SLC25A26: variants seen among roughly 807,000 people sequenced by gnomAD.
SLC25A26 encodes the protein mitochondrial S-adenosylmethionine carrier protein.
In SLC25A26, 36 loss-of-function variants were observed where a neutral mutation model predicts 37.8. That is an observed-to-expected ratio of 0.95 (90% CI 0.73 to 1.26). The LOEUF (loss-of-function observed/expected upper bound fraction) is 1.26. Among genes scored for constraint, SLC25A26 ranks in the 50% most tolerant of loss-of-function variants. The probability of loss-of-function intolerance (pLI) is 0.00; values close to 1 mark genes in which losing one functional copy is unlikely to be tolerated. For synonymous variants in SLC25A26, 129 were observed against 122.5 expected, an observed-to-expected ratio of 1.05 and a Z score of -0.35; for missense variants, 390 against 331.1, an observed-to-expected ratio of 1.18 and a Z score of -1.38.
chr3:66,272,885 G>A (rs572954444), intron 5 of SLC25A26, among the ~76,000 whole-genome samples: 3 of 152,080 alleles, frequency 2.0e-5, no homozygotes, highest in Non-Finnish European at 4.4e-5. Context: ...TTCAAAGGGA[G>A]TGCTTCCAGT....
At chr3:66,222,955 A>G (rs1404701919) in intron 1 of SLC25A26, among the ~76,000 whole-genome samples, 1 of 152,212 alleles carries the variant, frequency 6.6e-6, no homozygotes, top group Non-Finnish European at 1.5e-5. Flanking sequence ...GGAAGTTTCA[A>G]GAAACTAGAT....
rs1311906814 is a variant in SLC25A26 at position 66,209,896 on chromosome 3, A to ATT, written c.-353-10844_-353-10843dup. Among the ~76,000 whole-genome samples, 19 of 37,704 alleles carry ATT rather than the reference A, an allele frequency of 5.0e-4. 1 individual carries two copies. The highest frequency in any genetic ancestry group is 9.7e-4 in the Non-Finnish European group (18 of 18,536). 24.7% of individuals were successfully genotyped at this position (37,704 alleles called of 152,430 possible). On this transcript the variant is annotated intron_variant, in intron 1 of 10. Coordinates refer to the SLC25A26 transcript ENST00000676754. ...TATATACTCCTCTCTCTCTCTCTCT[A>ATT]TTTATATATATATATATATATATAT... is the stretch of plus-strand genomic sequence containing the variant.
chr3:66,319,848 G>T (rs1168892728), intron 5 of SLC25A26, among the ~76,000 whole-genome samples: 1 of 139,352 alleles, frequency 7.2e-6, no homozygotes, highest in Admixed American at 7.9e-5. Context: ...CTACTTCCCA[G>T]GTTCAAACGA....
rs1038118798 is a variant in SLC25A26 at position 66,194,394 on chromosome 3, C to A, written c.-353-26348C>A. Among the ~76,000 whole-genome samples, 3 of 152,142 alleles carry A rather than the reference C, an allele frequency of 2.0e-5. No individual in the cohort carries two copies. The East Asian group carries it at 5.8e-4, about 29-fold the overall frequency. ...TTATCTCTCCAATGACAGAGGTGCT[C>A]ATTTTACTAGAACTGCACTGAAGTA... On this transcript the variant is annotated intron_variant, in intron 1 of 10. Coordinates refer to the SLC25A26 transcript ENST00000676754.
chr3:66,261,876 T>G (rs1317951614), intron 3 of SLC25A26, among the ~76,000 whole-genome samples, 175 bp from the exon 4 acceptor site: 1 of 150,706 alleles, frequency 6.6e-6, no homozygotes, highest in East Asian at 1.9e-4. Context: ...GACAAAACAA[T>G]GTACATGCTT....
intron 5 of SLC25A26, among the ~76,000 whole-genome samples, chr3:66,326,682 C>T (rs909228271): frequency 5.3e-5 from 8 of 152,186 alleles, no homozygotes; most frequent in Non-Finnish European, 8.8e-5. Context: ...AGTGCACGCA[C>T]GCCTCTTGCT....
intron 6 of SLC25A26, among the ~76,000 whole-genome samples, chr3:66,347,198 G>A (rs1428959215): frequency 1.3e-5 from 2 of 152,098 alleles, no homozygotes; most frequent in African/African-American, 2.4e-5. Flanking sequence ...CCTACAGAAC[G>A]GGAGGAAATT....
chr3:66,360,621 C>A (rs1285738381), intron 6 of SLC25A26, among the ~76,000 whole-genome samples: 2 of 152,128 alleles, frequency 1.3e-5, no homozygotes, highest in African/African-American at 4.8e-5. Flanking sequence ...CAATGAACAA[C>A]CAGAGACTGA....
intron 1 of SLC25A26, among the ~76,000 whole-genome samples, chr3:66,201,444 C>T (rs1261775447): frequency 6.6e-6 from 1 of 152,006 alleles, no homozygotes; most frequent in Non-Finnish European, 1.5e-5. Flanking sequence ...GGTGATCCTA[C>T]CACCTCAGCC....
chr3:66,275,771 T>C (rs1182057316), intron 5 of SLC25A26, among the ~76,000 whole-genome samples: 3 of 152,122 alleles, frequency 2.0e-5, no homozygotes, highest in African/African-American at 7.2e-5. Context: ...TTTTGTCTTT[T>C]CTAGTTACAG....
chr3:66,369,487 C>A lies in SLC25A26; in HGVS notation c.578C>A (p.Ala193Asp). 1 of 1,603,108 alleles carries A rather than the reference C, an allele frequency of 6.2e-7. No individual in the cohort carries two copies. Among genetic ancestry groups the A allele is most frequent in the Non-Finnish European group, 8.5e-7 (1 of 1,174,882 alleles). ...GGTATTATTTGTACAGGTGGATTTG[C>A]CGCTGCAGTCACCACCCCTCTAGAC... ...AVCGAFAGGFAAAVTTPLDVA... is the reference protein window; with the variant it reads ...AVCGAFAGGFDAAVTTPLDVA... Residue 193 changes from alanine to aspartate, a missense_variant, in exon 8 of 10, where the codon GCC becomes GAC. Coordinates refer to ENST00000354883, the MANE Select transcript of SLC25A26 (RefSeq NM_001379210.1).
intron 5 of SLC25A26, among the ~76,000 whole-genome samples, chr3:66,317,448 A>T (rs1361226527): frequency 6.6e-6 from 1 of 152,004 alleles, no homozygotes; most frequent in Non-Finnish European, 1.5e-5. Flanking sequence ...TCACCAGGGG[A>T]GGCTGCAGAC....
At chr3:66,243,373 G>A in intron 3 of SLC25A26, 61 bp downstream of exon 3, 1 of 768,648 alleles carries the variant, frequency 1.3e-6, no homozygotes, top group South Asian at 1.8e-5. Flanking sequence ...TATATTTTCA[G>A]TACATATTTA....
At chr3:66,330,173 C>T (rs774555030) in intron 5 of SLC25A26, among the ~76,000 whole-genome samples, 5 of 152,134 alleles carry the variant, frequency 3.3e-5, no homozygotes, top group African/African-American at 7.2e-5. Context: ...AAAAGTGACT[C>T]CAGGGTCTGC....
intron 1 of SLC25A26, among the ~76,000 whole-genome samples, chr3:66,163,983 T>C (rs558950267): frequency 2.6e-5 from 4 of 152,340 alleles, no homozygotes; most frequent in African/African-American, 7.2e-5. Flanking sequence ...CATCCTTTAA[T>C]GTACAGGGAA....
At chr3:66,229,459 G>T (rs1041342392) in intron 1 of SLC25A26, among the ~76,000 whole-genome samples, 1 of 152,184 alleles carries the variant, frequency 6.6e-6, no homozygotes, top group Non-Finnish European at 1.5e-5. Context: ...GTTCCCCCAT[G>T]CTGTTCTCCT....
At chr3:66,363,449 G>C (rs908591093) in intron 7 of SLC25A26, among the ~76,000 whole-genome samples, 4 of 152,168 alleles carry the variant, frequency 2.6e-5, no homozygotes, top group Non-Finnish European at 5.9e-5. Flanking sequence ...CTACACATCT[G>C]GGCATTTTCG....
At chr3:66,333,847 C>CA (rs150095954) in intron 5 of SLC25A26, among the ~76,000 whole-genome samples, 19 of 151,916 alleles carry the variant, frequency 1.3e-4, no homozygotes, top group Admixed American at 6.6e-5. Flanking sequence ...AAAAAACAAA[C>CA]AAAAAACACA....
chr3:66,276,276 G>GC (rs777226204), intron 5 of SLC25A26, among the ~76,000 whole-genome samples: 20 of 152,192 alleles, frequency 1.3e-4, no homozygotes, highest in Non-Finnish European at 2.5e-4. Context: ...ACAACTAGGA[G>GC]GTGGCAGGAC....
Sources: allele counts gnomAD v4.1 joint callset (sites outside exome capture counted in the v4.1 genomes callset), GRCh38; gene constraint gnomAD v4.1.1; transcripts MANE v1.5; gene names NCBI Gene and HGNC (gene_info 2026-07-23, HGNC 2026-07-21).